The following VEGFC variants were observed in gnomAD, a reference collection of about 807,000 sequenced individuals.
VEGFC encodes the protein FLT4 ligand DHM.
Under a neutral mutation model 46.1 loss-of-function variants are expected in VEGFC, and 12 were observed. That is an observed-to-expected ratio of 0.26 (90% confidence interval 0.17 to 0.42). The LOEUF (loss-of-function observed/expected upper bound fraction) is 0.42, where lower values mean the gene tolerates loss of function less well. Among genes scored for constraint, VEGFC ranks in the 10% least tolerant of loss-of-function variants. The pLI is 1.00. For missense variants in VEGFC, 488 were observed against 529.4 expected, an observed-to-expected ratio of 0.92 and a Z score of 0.77; for synonymous variants, 232 against 195.5, an observed-to-expected ratio of 1.19 and a Z score of -1.56.
intron 2 of VEGFC, among the ~76,000 whole-genome samples, chr4:176,728,205 T>G (rs1476664417): frequency 1.3e-5 from 2 of 152,132 alleles, no homozygotes; most frequent in Non-Finnish European, 2.9e-5. Flanking sequence ...ATAAGAAAAA[T>G]TAGCATTATG....
At chr4:176,692,940 CA>C (rs998460874) in intron 4 of VEGFC, among the ~76,000 whole-genome samples, 1 of 148,570 alleles carries the variant, frequency 6.7e-6, no homozygotes. Context: ...GGAAAACTAA[CA>C]AACAGAAAGG....
intron 6 of VEGFC, 149 bp downstream of exon 6, chr4:176,687,038 C>A: frequency 2.3e-6 from 2 of 888,212 alleles, no homozygotes. Context: ...GCAAGTTTAG[C>A]ATTGGTTAAA....
At chr4:176,785,961 G>C (rs778163692) in intron 1 of VEGFC, among the ~76,000 whole-genome samples, 2 of 147,122 alleles carry the variant, frequency 1.4e-5, no homozygotes, top group Admixed American at 1.4e-4. Context: ...ATAGCACAAT[G>C]ATGGGTGCCT....
chr4:176,751,366 A>G (rs1735339894), intron 1 of VEGFC, among the ~76,000 whole-genome samples: 2 of 152,004 alleles, frequency 1.3e-5, no homozygotes, highest in Non-Finnish European at 2.9e-5. Flanking sequence ...GTATTTTCAT[A>G]CAAATAAATT....
intron 1 of VEGFC, among the ~76,000 whole-genome samples, chr4:176,763,291 A>G (rs1290338897): frequency 6.6e-6 from 1 of 152,262 alleles, no homozygotes; most frequent in Non-Finnish European, 1.5e-5. Context: ...TTCTATTAAT[A>G]ATAAATGCAT....
chr4:176,718,383 C>A (rs1285426179), intron 3 of VEGFC, among the ~76,000 whole-genome samples: 1 of 151,960 alleles, frequency 6.6e-6, no homozygotes, highest in Non-Finnish European at 1.5e-5. Context: ...AAAATAATAC[C>A]TCTAATTTCA....
intron 4 of VEGFC, among the ~76,000 whole-genome samples, chr4:176,706,643 A>G (rs1303866823): frequency 6.6e-6 from 1 of 150,998 alleles, no homozygotes; most frequent in Admixed American, 6.6e-5. Context: ...AAAAAAAAAA[A>G]AAAAAAAAAA....
intron 1 of VEGFC, among the ~76,000 whole-genome samples, chr4:176,784,109 G>A (rs374994623): frequency 9.3e-5 from 13 of 139,642 alleles, no homozygotes; most frequent in Middle Eastern, 7.3e-3. Flanking sequence ...CTGTTGCCCA[G>A]GCTGGAGTGC....
intron 4 of VEGFC, among the ~76,000 whole-genome samples, chr4:176,688,386 A>G (rs1734085403): frequency 6.6e-6 from 1 of 152,140 alleles, no homozygotes; most frequent in Non-Finnish European, 1.5e-5. Flanking sequence ...TTAGGTAACT[A>G]TCTACATCAC....
At position 176,696,913 on chromosome 4, in the gene VEGFC, G is replaced by T. The variant is rs563448671; in HGVS notation, c.705-8986C>A. Among the ~76,000 whole-genome samples the T allele has an allele frequency of 2.0e-5, 3 of 151,974 alleles. No individual in the cohort carries two copies. The South Asian group carries it at 6.2e-4, about 32-fold the overall frequency. Reference sequence around the variant, plus strand: ...ATGCCCTATTTAATAAATGGTGCTGGGAAAACTGGCTAGCCATATGTAGAA... The same window carrying T: ...ATGCCCTATTTAATAAATGGTGCTGTGAAAACTGGCTAGCCATATGTAGAA... On this transcript the variant is annotated intron_variant, in intron 4 of 6. Coordinates refer to ENST00000618562, the MANE Select transcript of VEGFC (RefSeq NM_005429.5).
chr4:176,721,586 G>T (rs1459159417), intron 3 of VEGFC, among the ~76,000 whole-genome samples: 1 of 152,170 alleles, frequency 6.6e-6, no homozygotes, highest in African/African-American at 2.4e-5. Flanking sequence ...ACACTGGATA[G>T]GTCCTAGAGA....
At chr4:176,700,206 C>A (rs1009578034) in intron 4 of VEGFC, among the ~76,000 whole-genome samples, 1 of 152,140 alleles carries the variant, frequency 6.6e-6, no homozygotes, top group South Asian at 2.1e-4. Flanking sequence ...CACCTGAGGT[C>A]AGGAGTTTGA....
At chr4:176,787,261 A>C (rs1023495152) in intron 1 of VEGFC, among the ~76,000 whole-genome samples, 1 of 152,038 alleles carries the variant, frequency 6.6e-6, no homozygotes, top group African/African-American at 2.4e-5. Flanking sequence ...GTTTGAAACC[A>C]GCTTCGCCTA....
chr4:176,760,946 G>GAAA (rs1260414123), intron 1 of VEGFC, among the ~76,000 whole-genome samples: 1 of 152,178 alleles, frequency 6.6e-6, no homozygotes, highest in African/African-American at 2.4e-5. Context: ...TCATACATAG[G>GAAA]TAGGAAAAAG....
At chr4:176,706,852 C>T (rs1734544874) in intron 4 of VEGFC, among the ~76,000 whole-genome samples, 3 of 152,118 alleles carry the variant, frequency 2.0e-5, no homozygotes, top group Non-Finnish European at 4.4e-5. Context: ...AAGAATGTTT[C>T]TAACACCTCA....
chr4:176,716,125 T>C (rs1734694344), intron 3 of VEGFC, among the ~76,000 whole-genome samples: 1 of 152,230 alleles, frequency 6.6e-6, no homozygotes, highest in Admixed American at 6.5e-5. Flanking sequence ...GTTAAATTTT[T>C]GTTAAAGAAA....
At chr4:176,759,467 C>CT (rs1444469129) in intron 1 of VEGFC, among the ~76,000 whole-genome samples, 1 of 151,908 alleles carries the variant, frequency 6.6e-6, no homozygotes, top group African/African-American at 2.4e-5. Context: ...GGCTCGGGGA[C>CT]TGGTGGGGTG....
At chr4:176,776,880 A>C (rs1280170686) in intron 1 of VEGFC, among the ~76,000 whole-genome samples, 2 of 152,232 alleles carry the variant, frequency 1.3e-5, no homozygotes, top group African/African-American at 2.4e-5. Context: ...TAGTATCAAT[A>C]TTTATAGTTA....
intron 1 of VEGFC, among the ~76,000 whole-genome samples, chr4:176,786,599 G>C (rs145647425): frequency 7.9e-4 from 121 of 152,244 alleles, no homozygotes; most frequent in African/African-American, 2.7e-3. Context: ...TAATTCACTT[G>C]TAGTATTTTT....
Sources: gnomAD v4.1 joint callset for allele counts (sites outside exome capture counted in the v4.1 genomes callset) on GRCh38, gnomAD v4.1.1 for gene constraint, MANE v1.5 for transcripts, NCBI Gene and HGNC (gene_info 2026-07-23, HGNC 2026-07-21) for gene names.